Variants in TPR observed in about 807,000 individuals in gnomAD.
TPR encodes nucleoprotein TPR.
In TPR, 51 loss-of-function variants were observed where a neutral mutation model predicts 316.1. The observed-to-expected ratio is 0.16, with a 90% CI of 0.13 to 0.20. TPR has a LOEUF of 0.20. Ranked by LOEUF, TPR falls within the 10% of genes least tolerant of loss-of-function variation. The pLI is 1.00. For missense variants in TPR, 2,272 were observed against 2,754.8 expected (o/e 0.82, Z 3.92); for synonymous variants, 981 against 914.7 (o/e 1.07, Z -1.31).
chr1:186,355,338 T>A, intron 17 of TPR, 72 bp downstream of exon 17: 15 of 1,511,144 alleles, frequency 9.9e-6, no homozygotes, highest in Middle Eastern at 2.4e-4. Context: ...AAATTAGCTC[T>A]TGAATTTAAA....
intron 14 of TPR, 130 bp downstream of exon 14, chr1:186,357,267 C>T (rs977040105): frequency 6.1e-5 from 51 of 841,290 alleles, no homozygotes; most frequent in Non-Finnish European, 8.1e-5. Context: ...AGGCTGGTCT[C>T]GACCTCCTGG....
chr1:186,362,151 C>T (rs1397143049), intron 7 of TPR, 137 bp downstream of exon 7: 2 of 684,694 alleles, frequency 2.9e-6, no homozygotes, highest in African/African-American at 1.8e-5. Flanking sequence ...TTTAGCCTAG[C>T]TACAGCATAT....
At chr1:186,337,281 A>G in intron 31 of TPR, 125 bp from the exon 32 acceptor site, 2 of 1,201,256 alleles carry the variant, frequency 1.7e-6, no homozygotes, top group Non-Finnish European at 2.2e-6. Context: ...TATTCAAAAC[A>G]GAATTTTCTA....
intron 1 of TPR, 63 bp downstream of exon 1, chr1:186,374,815 A>C: frequency 6.5e-7 from 1 of 1,531,828 alleles, no homozygotes; most frequent in Admixed American, 1.8e-5. Context: ...TGATGGGGGA[A>C]GACCAGACCC....
chr1:186,330,416 C>T (rs1007110792), intron 39 of TPR, among the ~76,000 whole-genome samples: 2 of 152,082 alleles, frequency 1.3e-5, no homozygotes, highest in Admixed American at 6.6e-5. Flanking sequence ...AAAGAGGCTG[C>T]GCACAAACTG....
At chr1:186,350,686 A>G (rs1182076394) in intron 20 of TPR, among the ~76,000 whole-genome samples, 1 of 151,984 alleles carries the variant, frequency 6.6e-6, no homozygotes, top group Non-Finnish European at 1.5e-5. Context: ...AATTGAGAAC[A>G]CAGATCTGAG....
Position 186,318,596 on chromosome 1 carries a change from T to C in TPR, c.6672A>G (p.Val2224=), listed in dbSNP as rs1337887365. 1.9e-6 allele frequency: 3 copies of C among 1,607,686 alleles called. No individual in the cohort carries two copies. Among genetic ancestry groups the C allele is most frequent in the East Asian group, 4.5e-5 (2 of 44,862 alleles). Reference sequence around the variant, plus strand: ...CATCAGAGGTGGTGCTCTCAGTAAATACAGTCACTTTAAAAAGACAACACA... The same window carrying C: ...CATCAGAGGTGGTGCTCTCAGTAAACACAGTCACTTTAAAAAGACAACACA... ...TPLQVAAPVT[V]FTESTTSDAS... Residue 2224 remains valine (V), a synonymous_variant, in exon 48 of 51, where the codon GTA becomes GTG. Transcript: ENST00000367478.
intron 3 of TPR, among the ~76,000 whole-genome samples, chr1:186,369,133 C>A (rs979302942): frequency 1.3e-5 from 2 of 152,092 alleles, no homozygotes; most frequent in African/African-American, 4.8e-5. Flanking sequence ...CAGTACTGTA[C>A]TATTTGGATT....
In TPR at chr1:186,343,264, G is replaced by T. The variant is rs1005153395; in HGVS notation, c.3750+62C>A. The T allele has an allele frequency of 3.9e-6, 6 of 1,548,250 alleles. No homozygotes were observed. The African/African-American group carries it at 8.3e-5, about 21-fold the overall frequency. ...ATTTTACATTACGTTAAATGGTAGA[G>T]ATATAAATGAGTGCTTCTCTTTTGA... On this transcript the variant is annotated intron_variant, in intron 27 of 50. Transcript: ENST00000367478.
chr1:186,332,087 G>A, intron 38 of TPR, 108 bp downstream of exon 38: 1 of 1,209,692 alleles, frequency 8.3e-7, no homozygotes. Context: ...GTGTTTTCCA[G>A]ATAATATATT....
At position 186,333,126 on chromosome 1, in the gene TPR, G is replaced by T; in HGVS notation, c.5451C>A (p.Gly1817=). 1 of 1,612,956 alleles carries T rather than the reference G, an allele frequency of 6.2e-7. No individual in the cohort carries two copies. The highest frequency in any genetic ancestry group is 8.5e-7 in the Non-Finnish European group (1 of 1,179,328). Residue 1817 remains glycine (G), a synonymous_variant, in exon 37 of 51, where the codon GGC becomes GGA. Transcript: ENST00000367478. ...ERPSTSTAVF[G]TVSATPSSSL... Reference sequence around the variant, plus strand: ...TCATTTTAAAATTAATTTTACCTGTGCCAAATACTGCTGTGGAAGTAGAAG... The same window carrying T: ...TCATTTTAAAATTAATTTTACCTGTTCCAAATACTGCTGTGGAAGTAGAAG...
At position 186,314,709 on chromosome 1, in the gene TPR, T is replaced by TGAC; in HGVS notation, c.6953_6955dup (p.Ser2318_Gln2319insArg). On this transcript the variant is annotated inframe_insertion, in exon 50 of 51. Transcript: ENST00000367478. ...TCTTACTCGTCTGAAAGGCTTTGGT[T>TGAC]GACTACTACTAGTATCTAAGAAAAA... 6.2e-7 allele frequency: 1 copy of TGAC among 1,611,664 alleles called. No homozygotes were observed. Among genetic ancestry groups the TGAC allele is most frequent in the South Asian group, 1.1e-5 (1 of 90,806 alleles).
Position 186,366,169 on chromosome 1 carries a change from T to C in TPR, c.427+1717A>G, listed in dbSNP as rs983162562. ...AGTCAGACAGAAATTAGGCTGTATTTCGTAAAGTTACATTGAGTGTGCCTC... is the reference window on the plus strand; with the variant it reads ...AGTCAGACAGAAATTAGGCTGTATTCCGTAAAGTTACATTGAGTGTGCCTC... On this transcript the variant is annotated intron_variant, in intron 4 of 50. Transcript: ENST00000367478. Among the ~76,000 whole-genome samples the C allele has an allele frequency of 2.0e-5, 3 of 152,202 alleles. No individual in the cohort carries two copies. The East Asian group carries it at 5.8e-4, about 29-fold the overall frequency.
rs752763689 is a variant in TPR, at chr1:186,318,697, A to C, written c.6664+36T>G. 4 of 1,610,902 alleles carry C rather than the reference A, an allele frequency of 2.5e-6. No individual in the cohort carries two copies. In the South Asian group the frequency reaches 4.4e-5, roughly 18 times the overall value. On this transcript the variant is annotated intron_variant, in intron 47 of 50. Coordinates refer to ENST00000367478, the MANE Select transcript of TPR (RefSeq NM_003292.3). Reference sequence around the variant, plus strand: ...TACTTCATAGGTTTTCATTTTACCAATAAAACAGAACCTACTATCTGCCTT... The same window carrying C: ...TACTTCATAGGTTTTCATTTTACCACTAAAACAGAACCTACTATCTGCCTT...
intron 5 of TPR, 94 bp from the exon 6 acceptor site, chr1:186,363,095 T>A (rs1571636049): frequency 7.5e-7 from 1 of 1,340,008 alleles, no homozygotes; most frequent in East Asian, 2.5e-5. Context: ...AAGCAGAATT[T>A]TATTTCAAAA....
intron 16 of TPR, 30 bp from the exon 17 acceptor site, chr1:186,355,588 A>C (rs965203168): frequency 2.5e-6 from 4 of 1,613,422 alleles, no homozygotes; most frequent in Non-Finnish European, 3.4e-6. Flanking sequence ...AGAAGGTAAC[A>C]CTGTGTTCTC....
chr1:186,325,578 T>C, intron 42 of TPR, 186 bp downstream of exon 42: 3 of 485,322 alleles, frequency 6.2e-6, no homozygotes, highest in South Asian at 4.4e-5. Flanking sequence ...AAGAGTATAA[T>C]GACAGCACCT....
In TPR at chr1:186,322,582, A is replaced by G. The variant is rs1203462072; in HGVS notation, c.6302T>C (p.Ile2101Thr). 1 of 1,614,044 alleles carries G rather than the reference A, an allele frequency of 6.2e-7. No individual in the cohort carries two copies. The highest frequency in any genetic ancestry group is 1.7e-5 in the Admixed American group (1 of 60,004). Residue 2101 changes from isoleucine to threonine, a missense_variant, in exon 44 of 51, where the codon ATT becomes ACT. Physicochemically the swap from Ile to Thr is moderately conservative, Grantham distance 89. This residue lies in a region of TPR where 435 missense variants were observed against 461.1 expected (regional missense o/e 0.94). Transcript: ENST00000367478. ...TACAGACTGCCTTCGGGTCATCTGA[A>G]TTCTCTGCGTGTCAAGATAAAGGAA... The part of the protein sequence containing the change: ...PQELGPPVQR[I>T]QMTRRQSVGR...
At chr1:186,346,113 T>A (rs1658669709) in intron 23 of TPR, 22 bp downstream of exon 23, 5 of 1,559,506 alleles carry the variant, frequency 3.2e-6, no homozygotes, top group South Asian at 2.5e-5. Context: ...AAAAAAAAAA[T>A]TAATACGGTT....
Sources: gnomAD v4.1 joint callset for allele counts (sites outside exome capture counted in the v4.1 genomes callset) on GRCh38, gnomAD v4.1.1 for gene constraint, gnomAD v4.1.1 regional missense constraint, MANE v1.5 for transcripts, NCBI Gene and HGNC (gene_info 2026-07-23, HGNC 2026-07-21) for gene names.